Variants in NUDT9 observed in about 807,000 individuals in gnomAD.
NUDT9 encodes ADP-ribose pyrophosphatase.
NUDT9 carries 31 observed loss-of-function variants against 41.0 expected under a neutral mutation model. The ratio of observed to expected loss-of-function variants is 0.76; its 90% CI spans 0.57 to 1.02. The LOEUF (loss-of-function observed/expected upper bound fraction) is 1.02. Among genes scored for constraint, NUDT9 ranks in the 50% least tolerant of loss-of-function variants. The pLI, the probability that NUDT9 is intolerant of heterozygous loss-of-function variation, is 0.00. For missense variants in NUDT9, 380 were observed against 431.4 expected (o/e 0.88, Z 1.06); for synonymous variants, 146 against 147.6 (o/e 0.99, Z 0.08).
intron 5 of NUDT9, among the ~76,000 whole-genome samples, chr4:87,450,028 T>C (rs1292861582): frequency 6.6e-6 from 1 of 152,044 alleles, no homozygotes; most frequent in Non-Finnish European, 1.5e-5. Context: ...TATGCCTGGC[T>C]AATTTTTGTA....
Position 87,458,129 on chromosome 4 carries a change from A to G in NUDT9, c.*108A>G. Reference sequence around the variant, plus strand: ...AAGGGCAGGGTAGGCCACTTGGCCTATTTACTTTCAAAACAATTTGCATTT... The same window carrying G: ...AAGGGCAGGGTAGGCCACTTGGCCTGTTTACTTTCAAAACAATTTGCATTT... On this transcript the variant is annotated 3_prime_UTR_variant, in exon 8 of 8. Transcript: ENST00000302174. The G allele has an allele frequency of 4.1e-6, 4 of 986,548 alleles. No individual in the cohort carries two copies. The highest frequency in any genetic ancestry group is 3.3e-5 in the South Asian group (1 of 30,026). The allele number at this position is 986,548 out of a possible 1,614,324, so 61.1% of individuals were successfully genotyped here.
intron 5 of NUDT9, among the ~76,000 whole-genome samples, chr4:87,450,431 G>A (rs1722661575): frequency 7.2e-6 from 1 of 139,458 alleles, no homozygotes; most frequent in African/African-American, 2.7e-5. Flanking sequence ...CCCGGCTGGA[G>A]TGCAATGGCA....
intron 2 of NUDT9, among the ~76,000 whole-genome samples, chr4:87,435,665 G>C (rs1327215046): frequency 1.3e-5 from 2 of 152,178 alleles, no homozygotes; most frequent in Non-Finnish European, 2.9e-5. Flanking sequence ...TGATAAACCA[G>C]TGTGAAAAAA....
chr4:87,452,000 G>GT, intron 6 of NUDT9, among the ~76,000 whole-genome samples: 1 of 151,516 alleles, frequency 6.6e-6, no homozygotes, highest in Non-Finnish European at 1.5e-5. Flanking sequence ...TTTCTTCTTA[G>GT]TTTTTCTTTC....
intron 4 of NUDT9, among the ~76,000 whole-genome samples, chr4:87,444,990 A>C (rs1397566725): frequency 6.6e-6 from 1 of 152,210 alleles, no homozygotes; most frequent in East Asian, 1.9e-4. Flanking sequence ...GAGGCAGCAG[A>C]AATGGAACAG....
At chr4:87,430,430 A>G (rs1721636057) in intron 1 of NUDT9, among the ~76,000 whole-genome samples, 1 of 152,232 alleles carries the variant, frequency 6.6e-6, no homozygotes, top group South Asian at 2.1e-4. Flanking sequence ...ATATACATGC[A>G]CTGAAATGTG....
chr4:87,458,097 C>A lies in NUDT9; in HGVS notation c.*76C>A, dbSNP rs1723069614. ...AGAAGGCAGTATCACAGAATTTATA[C>A]TATAAAAAGGGCAGGGTAGGCCACT... is the stretch of plus-strand genomic sequence containing the variant. On this transcript the variant is annotated 3_prime_UTR_variant, in exon 8 of 8. Transcript: ENST00000302174. 7.3e-7 allele frequency: 1 copy of A among 1,370,864 alleles called. No homozygotes were observed. Among genetic ancestry groups the A allele is most frequent in the Non-Finnish European group, 9.6e-7 (1 of 1,045,780 alleles). The allele number at this position is 1,370,864 out of a possible 1,614,324, so 84.9% of individuals were successfully genotyped here. A position where few individuals can be genotyped will look rare whatever the true frequency, so the allele number is the denominator to read the frequency against.
chr4:87,439,429 G>A (rs1420855706), intron 3 of NUDT9, among the ~76,000 whole-genome samples: 1 of 152,150 alleles, frequency 6.6e-6, no homozygotes, highest in Non-Finnish European at 1.5e-5. Context: ...GCCAAGGCGG[G>A]TGGATCACCT....
chr4:87,437,184 A>C (rs988249909), intron 2 of NUDT9, among the ~76,000 whole-genome samples: 1 of 140,314 alleles, frequency 7.1e-6, no homozygotes, highest in Non-Finnish European at 1.5e-5. Flanking sequence ...TGGGTGTTAG[A>C]GGTTGCAGTG....
chr4:87,452,705 C>T (rs1041100278), intron 6 of NUDT9, among the ~76,000 whole-genome samples: 3 of 151,686 alleles, frequency 2.0e-5, no homozygotes, highest in Non-Finnish European at 4.4e-5. Context: ...CCCCCCACCT[C>T]GACCTCCCAA....
chr4:87,449,313 G>T, intron 5 of NUDT9, 60 bp downstream of exon 5: 8 of 864,806 alleles, frequency 9.3e-6, no homozygotes, highest in Admixed American at 1.9e-5. Context: ...TTACTACAGG[G>T]TTATTGTTTG....
At chr4:87,435,698 G>T (rs1721899029) in intron 2 of NUDT9, among the ~76,000 whole-genome samples, 1 of 152,186 alleles carries the variant, frequency 6.6e-6, no homozygotes, top group Admixed American at 6.5e-5. Context: ...GGATAAAGGG[G>T]AGTGAGAGGG....
rs957127977 is a variant in NUDT9, at chr4:87,458,113, G to A, written c.*92G>A. 3.3e-6 allele frequency: 4 copies of A among 1,221,554 alleles called. No homozygotes were observed. Among genetic ancestry groups the A allele is most frequent in the Non-Finnish European group, 4.3e-6 (4 of 926,496 alleles). The allele number at this position is 1,221,554 out of a possible 1,614,324, so 75.7% of individuals were successfully genotyped here. On this transcript the variant is annotated 3_prime_UTR_variant, in exon 8 of 8. Transcript: ENST00000302174. Reference sequence around the variant, plus strand: ...GAATTTATACTATAAAAAGGGCAGGGTAGGCCACTTGGCCTATTTACTTTC... The same window carrying A: ...GAATTTATACTATAAAAAGGGCAGGATAGGCCACTTGGCCTATTTACTTTC...
intron 3 of NUDT9, among the ~76,000 whole-genome samples, chr4:87,441,158 C>A (rs1025357192): frequency 3.3e-5 from 5 of 152,068 alleles, no homozygotes; most frequent in African/African-American, 1.2e-4. Flanking sequence ...CATGTTAGAA[C>A]ATTTTAGTAG....
chr4:87,456,820 A>C (rs1169988953), intron 7 of NUDT9, among the ~76,000 whole-genome samples: 1 of 152,086 alleles, frequency 6.6e-6, no homozygotes, highest in Non-Finnish European at 1.5e-5. Context: ...AATCCCAGGT[A>C]CTCGGGGGGC....
Position 87,458,003 on chromosome 4 carries a change from T to C in NUDT9, c.1035T>C (p.Ala345=). ...RDAHWSEDSE[A]DCHAL is the part of the protein sequence containing the mutation. ...CACACTGGAGCGAGGACTCTGAAGCTGACTGCCATGCGTTGTAGCTGATGG... is the reference window on the plus strand; with the variant it reads ...CACACTGGAGCGAGGACTCTGAAGCCGACTGCCATGCGTTGTAGCTGATGG... Residue 345 remains alanine, a synonymous_variant, in exon 8 of 8, where the codon GCT becomes GCC. Coordinates refer to ENST00000302174, the MANE Select transcript of NUDT9 (RefSeq NM_024047.5). 1 of 1,553,796 alleles carries C rather than the reference T, an allele frequency of 6.4e-7. No individual in the cohort carries two copies. Among genetic ancestry groups the C allele is most frequent in the East Asian group, 2.4e-5 (1 of 42,488 alleles).
intron 7 of NUDT9, among the ~76,000 whole-genome samples, chr4:87,455,092 T>C (rs1446881037): frequency 1.3e-5 from 2 of 152,242 alleles, no homozygotes; most frequent in Non-Finnish European, 1.5e-5. Flanking sequence ...TTTGTTTTTA[T>C]TTGTAGCATA....
At chr4:87,425,621 C>T (rs1215634982) in intron 1 of NUDT9, among the ~76,000 whole-genome samples, 3 of 149,988 alleles carry the variant, frequency 2.0e-5, no homozygotes, top group Admixed American at 6.6e-5. Context: ...TTTCGAACTC[C>T]TGACCTCAGG....
intron 5 of NUDT9, among the ~76,000 whole-genome samples, chr4:87,450,576 A>G (rs1722669484): frequency 6.6e-6 from 1 of 151,404 alleles, no homozygotes; most frequent in African/African-American, 2.4e-5. Flanking sequence ...ACAGGGTTTC[A>G]CCATCTTGGC....
Sources: gnomAD v4.1 joint callset for allele counts (sites outside exome capture counted in the v4.1 genomes callset) on GRCh38, gnomAD v4.1.1 for gene constraint, MANE v1.5 for transcripts, NCBI Gene and HGNC (gene_info 2026-07-23, HGNC 2026-07-21) for gene names.